The following DRICH1 variants were observed in gnomAD, a reference collection of about 807,000 sequenced individuals.
DRICH1 encodes aspartate-rich protein 1.
Under a neutral mutation model 39.5 loss-of-function variants are expected in DRICH1, and 38 were observed. That is an observed-to-expected ratio of 0.96 (90% confidence interval 0.74 to 1.26). DRICH1 has a LOEUF of 1.26. Ranked by LOEUF, DRICH1 falls within the 50% of genes most tolerant of loss-of-function variation. DRICH1 has a pLI of 0.00. For missense variants in DRICH1, 279 were observed against 270.4 expected, an observed-to-expected ratio of 1.03 and a Z score of -0.22; for synonymous variants, 84 against 99.5, an observed-to-expected ratio of 0.84 and a Z score of 0.93.
downstream of DRICH1, chr22:23,606,995 G>T (rs1926766996): frequency 6.5e-6 from 1 of 152,908 alleles, no homozygotes; most frequent in African/African-American, 2.4e-5. Context: ...ACCAGCATGG[G>T]AGGGGGTGTG....
chr22:23,603,388 C>G, the DRICH1 span, among the ~76,000 whole-genome samples: 1 of 151,970 alleles, frequency 6.6e-6, no homozygotes, highest in Admixed American at 6.6e-5. Context: ...GGTTCCTCAC[C>G]TCCCCTGGAC....
rs529033148 is a variant in DRICH1 at position 23,613,382 on chromosome 22, C to G, written c.644-52G>C. 7.0e-6 allele frequency: 10 copies of G among 1,429,000 alleles called. No homozygotes were observed. In the African/African-American group the frequency reaches 1.3e-4, roughly 18 times the overall value. 88.5% of individuals were successfully genotyped at this position (1,429,000 alleles called of 1,614,324 possible). A position where few individuals can be genotyped will look rare whatever the true frequency, so the allele number is the denominator to read the frequency against. ...GTCATTAGAGAGAGTGACTCACCCACTCCTCCTACTTTACTTTAGCTGAAG... is the reference window on the plus strand; with the variant it reads ...GTCATTAGAGAGAGTGACTCACCCAGTCCTCCTACTTTACTTTAGCTGAAG... On this transcript the variant is annotated intron_variant, in intron 10 of 11. Transcript: ENST00000317749.
At chr22:23,607,683 G>A (rs1569084994), downstream of DRICH1, among the ~76,000 whole-genome samples, 2 of 152,056 alleles carry the variant, frequency 1.3e-5, no homozygotes, top group African/African-American at 4.8e-5. Context: ...CCCCATCCCC[G>A]CCCCATCATT....
In DRICH1 at chr22:23,608,736, G is replaced by A; in HGVS notation, c.*28C>T. The A allele has an allele frequency of 6.4e-7, 1 of 1,556,466 alleles. No homozygotes were observed. The highest frequency in any genetic ancestry group is 8.7e-7 in the Non-Finnish European group (1 of 1,148,994). ...ACGCGCTGGCCTGCCCTTTGGGTCAGCACCCTGGTCAGCTCCACAGAAGGG... is the reference window on the plus strand; with the variant it reads ...ACGCGCTGGCCTGCCCTTTGGGTCAACACCCTGGTCAGCTCCACAGAAGGG... On this transcript the variant is annotated 3_prime_UTR_variant, in exon 12 of 12. Transcript: ENST00000317749.
the DRICH1 span, among the ~76,000 whole-genome samples, chr22:23,590,485 C>G: frequency 6.6e-6 from 1 of 151,792 alleles, no homozygotes; most frequent in Non-Finnish European, 1.5e-5. Flanking sequence ...GCCTTGTTGC[C>G]CAGGCTGGTC....
intron 1 of DRICH1, among the ~76,000 whole-genome samples, chr22:23,631,145 C>T (rs1467769473): frequency 3.3e-5 from 5 of 152,034 alleles, no homozygotes; most frequent in African/African-American, 4.8e-5. Flanking sequence ...AGGAGCCGGG[C>T]GCGATGCCTC....
At chr22:23,601,445 A>G in the DRICH1 span, among the ~76,000 whole-genome samples, 1 of 152,220 alleles carries the variant, frequency 6.6e-6, no homozygotes, top group African/African-American at 2.4e-5. Flanking sequence ...GAGTGGGAGA[A>G]AGCCAGTCCC....
the DRICH1 span, among the ~76,000 whole-genome samples, chr22:23,599,641 G>A: frequency 7.9e-5 from 12 of 152,248 alleles, no homozygotes; most frequent in African/African-American, 2.6e-4. Flanking sequence ...GAGAAGGGGC[G>A]CTGAGGTCAC....
chr22:23,598,847 G>A, the DRICH1 span, among the ~76,000 whole-genome samples: 1 of 152,276 alleles, frequency 6.6e-6, no homozygotes, highest in East Asian at 1.9e-4. Context: ...CTCCATACAG[G>A]TGTGCTCCGA....
At chr22:23,597,502 C>CAAAAA in the DRICH1 span, among the ~76,000 whole-genome samples, 1,651 of 106,350 alleles carry the variant, frequency 0.016, 34 homozygotes, top group Non-Finnish European at 0.022. Flanking sequence ...GACCCTGTCT[C>CAAAAA]AAAAAAAAAA....
intron 5 of DRICH1, 64 bp from the exon 6 acceptor site, chr22:23,619,457 T>A (rs910820004): frequency 2.6e-6 from 2 of 770,076 alleles, no homozygotes; most frequent in African/African-American, 3.4e-5. Flanking sequence ...CAAATAACCA[T>A]GGTAATGTTG....
the DRICH1 span, among the ~76,000 whole-genome samples, chr22:23,599,549 G>A: frequency 6.6e-6 from 1 of 152,202 alleles, no homozygotes; most frequent in Non-Finnish European, 1.5e-5. Flanking sequence ...ACGTGGTATG[G>A]CAGACAGGTT....
chr22:23,604,997 T>C (rs745861487), downstream of DRICH1, among the ~76,000 whole-genome samples: 4 of 152,208 alleles, frequency 2.6e-5, no homozygotes, highest in Non-Finnish European at 5.9e-5. Flanking sequence ...AAGGTACTCA[T>C]GAACTCTGCC....
chr22:23,603,977 T>C (rs1926602543), downstream of DRICH1, among the ~76,000 whole-genome samples: 1 of 152,082 alleles, frequency 6.6e-6, no homozygotes, highest in Non-Finnish European at 1.5e-5. Context: ...GTGTTAACTG[T>C]TCATCAAAAA....
Position 23,632,034 on chromosome 22 carries a change from C to T in DRICH1, c.-11G>A, listed in dbSNP as rs748093964. The T allele has an allele frequency of 1.2e-6, 2 of 1,612,480 alleles. No individual in the cohort carries two copies. The highest frequency in any genetic ancestry group is 1.1e-5 in the South Asian group (1 of 91,000). ...CAGTATATTCCCCATGGGGCCTCTC[C>T]ATGCCTCTCCACTCCTGCCTCAGCC... On this transcript the variant is annotated 5_prime_UTR_variant, in exon 1 of 12. The change abolishes an upstream ATG in the 5' untranslated region. Coordinates refer to ENST00000317749, the MANE Select transcript of DRICH1 (RefSeq NM_016449.4).
chr22:23,619,922 G>A (rs1326031494), intron 5 of DRICH1, among the ~76,000 whole-genome samples: 4 of 150,872 alleles, frequency 2.7e-5, no homozygotes, highest in African/African-American at 9.8e-5. Context: ...TATGCATCTG[G>A]GCACACCACA....
intron 8 of DRICH1, 138 bp from the exon 9 acceptor site, chr22:23,614,352 G>A: frequency 1.5e-6 from 1 of 651,558 alleles, no homozygotes; most frequent in Non-Finnish European, 2.8e-6. Flanking sequence ...ATTCCCCTGA[G>A]TGGAAGAGGG....
Position 23,626,064 on chromosome 22 carries a change from GTT to G in DRICH1, c.209-18_209-17del, listed in dbSNP as rs765483022. 2 of 1,588,432 alleles carry G rather than the reference GTT, an allele frequency of 1.3e-6. No individual in the cohort carries two copies. The highest frequency in any genetic ancestry group is 2.2e-5 in the South Asian group (2 of 90,100). On this transcript the variant is annotated splice_polypyrimidine_tract_variant and intron_variant, in intron 1 of 11. Transcript: ENST00000317749. Reference sequence around the variant, plus strand: ...TCAGGGGGACCTAAAAGGACACAGAGTTAATGTCAGTGCCCTGGTGGTTGGAG... The same window carrying G: ...TCAGGGGGACCTAAAAGGACACAGAGAATGTCAGTGCCCTGGTGGTTGGAG...
intron 1 of DRICH1, among the ~76,000 whole-genome samples, chr22:23,628,910 T>C (rs937120735): frequency 2.0e-5 from 3 of 152,188 alleles, no homozygotes; most frequent in African/African-American, 7.2e-5. Flanking sequence ...GCATTTAGGA[T>C]GATGTCCATG....
Sources: gnomAD v4.1 joint callset for allele counts (sites outside exome capture counted in the v4.1 genomes callset) on GRCh38, gnomAD v4.1.1 for gene constraint, MANE v1.5 for transcripts, NCBI Gene and HGNC (gene_info 2026-07-23, HGNC 2026-07-21) for gene names.